Variants in LRP1B observed in about 807,000 individuals in gnomAD.
LRP1B encodes low-density lipoprotein receptor-related protein 1B.
In LRP1B, 217 loss-of-function variants were observed where a neutral mutation model predicts 556.6. The ratio of observed to expected loss-of-function variants is 0.39; its 90% CI spans 0.35 to 0.44. LRP1B has a LOEUF of 0.44. LRP1B is among the 20% of genes least tolerant of loss of function. LRP1B has a pLI of 1.00. For synonymous variants in LRP1B, 2,047 were observed against 1,865.8 expected, an observed-to-expected ratio of 1.10 and a Z score of -2.50; for missense variants, 5,053 against 5,620.8, an observed-to-expected ratio of 0.90 and a Z score of 3.23.
chr2:141,343,991 T>C (rs140806707), intron 3 of LRP1B, among the ~76,000 whole-genome samples: 1,767 of 152,182 alleles, frequency 0.012, 22 homozygotes, highest in Middle Eastern at 0.02. Flanking sequence ...CATGCCACAG[T>C]CTGGAAGATT....
intron 3 of LRP1B, among the ~76,000 whole-genome samples, chr2:141,263,214 A>G (rs1033413225): frequency 6.6e-6 from 1 of 152,090 alleles, no homozygotes; most frequent in African/African-American, 2.4e-5. Flanking sequence ...ATTTATATAT[A>G]TTGAACTTGT....
At chr2:140,322,786 G>A (rs763181374) in intron 81 of LRP1B, among the ~76,000 whole-genome samples, 3 of 151,922 alleles carry the variant, frequency 2.0e-5, no homozygotes, top group African/African-American at 7.2e-5. Flanking sequence ...AGGGCACCCA[G>A]GTAGCTGAGC....
At chr2:140,346,602 A>G (rs1384175971) in intron 77 of LRP1B, among the ~76,000 whole-genome samples, 1 of 151,900 alleles carries the variant, frequency 6.6e-6, no homozygotes, top group African/African-American at 2.4e-5. Flanking sequence ...CAGTACCCAA[A>G]TGTTCTGAAA....
At chr2:140,678,859 C>A (rs935307569) in intron 41 of LRP1B, among the ~76,000 whole-genome samples, 3 of 150,884 alleles carry the variant, frequency 2.0e-5, no homozygotes, top group Non-Finnish European at 4.4e-5. Context: ...CTCACTGCAA[C>A]CTCCGCCTCC....
intron 31 of LRP1B, among the ~76,000 whole-genome samples, chr2:140,814,535 A>C (rs2105039026): frequency 6.6e-6 from 1 of 152,308 alleles, no homozygotes; most frequent in East Asian, 1.9e-4. Flanking sequence ...AGAAAGTTTT[A>C]ATGTGTAATG....
At chr2:141,851,791 A>C (rs1230111540) in intron 1 of LRP1B, among the ~76,000 whole-genome samples, 1 of 151,762 alleles carries the variant, frequency 6.6e-6, no homozygotes, top group Admixed American at 6.6e-5. Context: ...GTCAGTCCAA[A>C]TATATCCAAA....
At chr2:141,014,420 T>C (rs1375521889) in intron 13 of LRP1B, among the ~76,000 whole-genome samples, 1 of 152,094 alleles carries the variant, frequency 6.6e-6, no homozygotes, top group Non-Finnish European at 1.5e-5. Flanking sequence ...AATCATGTGA[T>C]AAAAGTTTAA....
intron 1 of LRP1B, among the ~76,000 whole-genome samples, chr2:141,814,021 A>G (rs1209580806): frequency 1.3e-5 from 2 of 152,146 alleles, no homozygotes; most frequent in Admixed American, 6.6e-5. Context: ...AACCAATTGG[A>G]GGCAGAAGTG....
intron 43 of LRP1B, among the ~76,000 whole-genome samples, chr2:140,550,329 A>G (rs1680501332): frequency 6.6e-6 from 1 of 152,136 alleles, no homozygotes; most frequent in Non-Finnish European, 1.5e-5. Flanking sequence ...GGGAAAGAGC[A>G]CAGTACTCAA....
chr2:141,591,608 GTC>G (rs1491064387), intron 2 of LRP1B, among the ~76,000 whole-genome samples: 6 of 147,524 alleles, frequency 4.1e-5, no homozygotes, highest in Admixed American at 2.0e-4. Context: ...GTGTGTGTGT[GTC>G]TGTGTGTCTC....
intron 2 of LRP1B, among the ~76,000 whole-genome samples, chr2:141,590,916 T>A (rs1010948487): frequency 1.3e-5 from 2 of 152,158 alleles, no homozygotes; most frequent in Non-Finnish European, 2.9e-5. Context: ...GTCTCTCCCT[T>A]CACAGCCTGT....
intron 1 of LRP1B, among the ~76,000 whole-genome samples, chr2:141,983,245 CT>C (rs1702091545): frequency 6.6e-6 from 1 of 152,070 alleles, no homozygotes; most frequent in Non-Finnish European, 1.5e-5. Flanking sequence ...TGTCATTACC[CT>C]TTCCCCTTTC....
chr2:142,109,900 C>A (rs1331801632), intron 1 of LRP1B, among the ~76,000 whole-genome samples: 1 of 152,042 alleles, frequency 6.6e-6, no homozygotes, highest in Non-Finnish European at 1.5e-5. Context: ...GGCCCCTTAC[C>A]TGAAGAGAAA....
intron 6 of LRP1B, among the ~76,000 whole-genome samples, chr2:141,204,494 T>C (rs1682184644): frequency 6.6e-6 from 1 of 152,158 alleles, no homozygotes; most frequent in African/African-American, 2.4e-5. Context: ...CTAGTCCAAA[T>C]AGAAATTGGG....
intron 7 of LRP1B, among the ~76,000 whole-genome samples, chr2:141,149,077 T>C (rs146855038): frequency 2.0e-5 from 3 of 151,354 alleles, no homozygotes; most frequent in African/African-American, 7.3e-5. Context: ...TGGTGCGATC[T>C]CTCAAAAAAA....
At chr2:140,444,960 T>C (rs1686591682) in intron 63 of LRP1B, among the ~76,000 whole-genome samples, 1 of 152,140 alleles carries the variant, frequency 6.6e-6, no homozygotes, top group South Asian at 2.1e-4. Flanking sequence ...AAAAGTCTTC[T>C]CATTTTAATG....
rs140858109 is a variant in LRP1B at position 140,632,094 on chromosome 2, C to T, written c.6800-30455G>A. ...AAGAATAAATAAAAACTTTCTCAAACGAGCAGAATCTGAGGAAATTGAGAA... is the reference window on the plus strand; with the variant it reads ...AAGAATAAATAAAAACTTTCTCAAATGAGCAGAATCTGAGGAAATTGAGAA... On this transcript the variant is annotated intron_variant, in intron 41 of 90. Coordinates refer to ENST00000389484, the MANE Select transcript of LRP1B (RefSeq NM_018557.3). Among the ~76,000 whole-genome samples, 70 of 152,212 alleles carry T rather than the reference C, an allele frequency of 4.6e-4. No individual in the cohort carries two copies. In the East Asian group the frequency reaches 7.5e-3, roughly 16 times the overall value.
At chr2:141,338,006 T>G (rs1687909710) in intron 3 of LRP1B, among the ~76,000 whole-genome samples, 1 of 152,214 alleles carries the variant, frequency 6.6e-6, no homozygotes, top group Non-Finnish European at 1.5e-5. Flanking sequence ...GATGCTGATA[T>G]TTTAATGCTA....
intron 43 of LRP1B, among the ~76,000 whole-genome samples, chr2:140,576,406 A>G (rs1681527701): frequency 1.3e-5 from 2 of 152,222 alleles, no homozygotes; most frequent in South Asian, 4.1e-4. Context: ...AAAGCAAGCC[A>G]ACTTAAAAAT....
Sources: allele counts gnomAD v4.1 joint callset (sites outside exome capture counted in the v4.1 genomes callset), GRCh38; gene constraint gnomAD v4.1.1; transcripts MANE v1.5; gene names NCBI Gene and HGNC (gene_info 2026-07-23, HGNC 2026-07-21).